The following USH2A variants were observed in gnomAD, a reference collection of about 807,000 sequenced individuals.
USH2A encodes the protein usherin, also known as Usher syndrome 2A (autosomal recessive, mild).
USH2A carries 443 observed loss-of-function variants against 538.9 expected under a neutral mutation model. The ratio of observed to expected loss-of-function variants is 0.82; its 90% confidence interval spans 0.76 to 0.89. USH2A has a LOEUF of 0.89. USH2A is among the 40% of genes least tolerant of loss of function. The pLI is 0.00. For missense variants in USH2A, 6,633 were observed against 6,324.8 expected, an observed-to-expected ratio of 1.05 and a Z score of -1.65; for synonymous variants, 2,413 against 2,273.5, an observed-to-expected ratio of 1.06 and a Z score of -1.75.
chr1:215,755,383 T>C (rs1660759967), intron 58 of USH2A, among the ~76,000 whole-genome samples: 1 of 152,174 alleles, frequency 6.6e-6, no homozygotes, highest in South Asian at 2.1e-4. Context: ...TGTGAGCAAA[T>C]AAACAATCTC....
intron 52 of USH2A, among the ~76,000 whole-genome samples, chr1:215,785,873 C>G (rs188191588): frequency 6.6e-6 from 1 of 151,008 alleles, no homozygotes; most frequent in South Asian, 2.1e-4. Flanking sequence ...GTTTATTAAC[C>G]TTAGCTTGCT....
At chr1:215,628,313 GTC>G (rs1656131051) in intron 71 of USH2A, among the ~76,000 whole-genome samples, 2 of 151,858 alleles carry the variant, frequency 1.3e-5, no homozygotes, top group African/African-American at 4.8e-5. Flanking sequence ...TTGAGATGGA[GTC>G]TCTGTCACCC....
At chr1:215,872,513 T>G (rs936176134) in intron 43 of USH2A, among the ~76,000 whole-genome samples, 64 of 152,292 alleles carry the variant, frequency 4.2e-4, no homozygotes, top group African/African-American at 1.5e-3. Flanking sequence ...TTTGTTCTAC[T>G]TTGTCATCAC....
intron 14 of USH2A, among the ~76,000 whole-genome samples, chr1:216,226,165 AT>A (rs1348091485): frequency 6.6e-6 from 1 of 152,158 alleles, no homozygotes; most frequent in African/African-American, 2.4e-5. Flanking sequence ...AATCAGTTTT[AT>A]TTTTGTCTTT....
chr1:215,629,782 T>C (rs1571915464), intron 70 of USH2A, among the ~76,000 whole-genome samples: 1 of 148,670 alleles, frequency 6.7e-6, no homozygotes. Flanking sequence ...TCTTTTTTTT[T>C]TTTTTTTTTT....
chr1:215,944,543 T>G (rs530972816), intron 37 of USH2A, among the ~76,000 whole-genome samples: 1 of 152,148 alleles, frequency 6.6e-6, no homozygotes, highest in East Asian at 1.9e-4. Flanking sequence ...CTTTCATTAT[T>G]CAGCATTAAT....
Position 215,766,793 on chromosome 1 carries a change from A to G in USH2A, c.10940-5T>C, listed in dbSNP as rs774828720. 2 of 1,612,380 alleles carry G rather than the reference A, an allele frequency of 1.2e-6. No homozygotes were observed. Among genetic ancestry groups the G allele is most frequent in the East Asian group, 4.5e-5 (2 of 44,856 alleles). On this transcript the variant is annotated splice_polypyrimidine_tract_variant and splice_region_variant and intron_variant, in intron 55 of 71. Coordinates refer to ENST00000307340, the MANE Select transcript of USH2A (RefSeq NM_206933.4). Reference sequence around the variant, plus strand: ...AGTTGGTGTATGGCTGGAGACCTAGAAAAAGCAAGCAAGAAATAAAGTGCA... The same window carrying G: ...AGTTGGTGTATGGCTGGAGACCTAGGAAAAGCAAGCAAGAAATAAAGTGCA...
intron 38 of USH2A, among the ~76,000 whole-genome samples, chr1:215,926,480 T>C (rs1366826832): frequency 6.6e-6 from 1 of 152,064 alleles, no homozygotes; most frequent in Non-Finnish European, 1.5e-5. Flanking sequence ...GTGGTAATGC[T>C]TAACCTAAGA....
Position 215,625,617 on chromosome 1 carries a change from CCT to C in USH2A, c.*162_*163del, listed in dbSNP as rs551915504. The C allele has an allele frequency of 2.3e-4, 155 of 686,706 alleles. No homozygotes were observed. The highest frequency in any genetic ancestry group is 3.8e-4 in the Non-Finnish European group (145 of 378,910). The allele number at this position is 686,706 out of a possible 1,614,324, so 42.5% of individuals were successfully genotyped here. On this transcript the variant is annotated 3_prime_UTR_variant, in exon 72 of 72. Transcript: ENST00000307340. ...GATGAGAAAAATATCATTTCTTAGACCTCTATTAGGAAGGAACACTTTCAAAA... is the reference window on the plus strand; with the variant it reads ...GATGAGAAAAATATCATTTCTTAGACCTATTAGGAAGGAACACTTTCAAAA...
rs531521076 is a variant in USH2A, at chr1:216,083,267, A to C, written c.5298+189T>G. ...ATAATTGTTACAATTGTCATCTTAAAAAATTACTAGGATAATAAAATACAA... is the reference window on the plus strand; with the variant it reads ...ATAATTGTTACAATTGTCATCTTAACAAATTACTAGGATAATAAAATACAA... On this transcript the variant is annotated intron_variant, in intron 26 of 71. Coordinates refer to ENST00000307340, the MANE Select transcript of USH2A (RefSeq NM_206933.4). 1.1e-5 allele frequency: 6 copies of C among 537,662 alleles called. No homozygotes were observed. In the East Asian group the frequency reaches 2.0e-4, roughly 18 times the overall value. The allele number at this position is 537,662 out of a possible 1,614,324, so 33.3% of individuals were successfully genotyped here. A position where few individuals can be genotyped will look rare whatever the true frequency, so the allele number is the denominator to read the frequency against.
chr1:216,264,246 A>C (rs762172492), intron 11 of USH2A, among the ~76,000 whole-genome samples: 5 of 152,150 alleles, frequency 3.3e-5, no homozygotes, highest in Non-Finnish European at 5.9e-5. Flanking sequence ...ACAGAAATAG[A>C]AGAAAAAATT....
chr1:215,658,795 CAT>C (rs1375991391), intron 64 of USH2A, among the ~76,000 whole-genome samples: 1 of 152,252 alleles, frequency 6.6e-6, no homozygotes, highest in Non-Finnish European at 1.5e-5. Flanking sequence ...CCTGTTCAAA[CAT>C]GTGTAAATGC....
intron 32 of USH2A, among the ~76,000 whole-genome samples, chr1:216,035,013 G>T (rs1040919769): frequency 2.0e-5 from 3 of 152,164 alleles, no homozygotes; most frequent in African/African-American, 2.4e-5. Context: ...AGATGGAATT[G>T]ATTATCACCT....
chr1:215,875,171 T>C (rs1664725002), intron 43 of USH2A, among the ~76,000 whole-genome samples: 1 of 151,936 alleles, frequency 6.6e-6, no homozygotes, highest in African/African-American at 2.4e-5. Flanking sequence ...TGCAAGACAC[T>C]CCCCCTTGGG....
At chr1:215,838,422 C>G (rs2102816987) in intron 46 of USH2A, among the ~76,000 whole-genome samples, 1 of 152,280 alleles carries the variant, frequency 6.6e-6, no homozygotes, top group South Asian at 2.1e-4. Flanking sequence ...GCCCAAGTGA[C>G]AGTTTGCAAG....
At chr1:215,990,113 A>G in intron 35 of USH2A, among the ~76,000 whole-genome samples, 1 of 152,210 alleles carries the variant, frequency 6.6e-6, no homozygotes, top group East Asian at 1.9e-4. Flanking sequence ...GCATATTCAG[A>G]AATTAGAAAG....
chr1:216,416,964 G>A (rs1341177644), intron 3 of USH2A, among the ~76,000 whole-genome samples: 1 of 152,086 alleles, frequency 6.6e-6, no homozygotes, highest in Non-Finnish European at 1.5e-5. Context: ...TGGTCAGTGG[G>A]CAGAATGGAG....
intron 32 of USH2A, among the ~76,000 whole-genome samples, chr1:216,033,946 C>A (rs548023752): frequency 4.6e-5 from 7 of 151,836 alleles, no homozygotes; most frequent in Admixed American, 3.9e-4. Flanking sequence ...GTTACTTTTC[C>A]CAAAGATAAA....
chr1:215,856,061 A>G (rs894036455), intron 44 of USH2A, among the ~76,000 whole-genome samples: 1 of 152,232 alleles, frequency 6.6e-6, no homozygotes, highest in Non-Finnish European at 1.5e-5. Context: ...ACTTAAATCT[A>G]AAACCTGAAA....
Sources: allele counts gnomAD v4.1 joint callset (sites outside exome capture counted in the v4.1 genomes callset), GRCh38; gene constraint gnomAD v4.1.1; transcripts MANE v1.5; gene names NCBI Gene and HGNC (gene_info 2026-07-23, HGNC 2026-07-21).